The following BRSK2 variants were observed in gnomAD, a reference collection of about 807,000 sequenced individuals.
BRSK2 encodes the protein BR serine/threonine kinase 2, also known as serine/threonine-protein kinase BRSK2.
A neutral mutation model predicts 83.3 loss-of-function variants in BRSK2; 19 were observed. The observed-to-expected ratio is 0.23, with a 90% CI of 0.16 to 0.33. The LOEUF (loss-of-function observed/expected upper bound fraction) is 0.33, where lower values mean the gene tolerates loss of function less well. BRSK2 is among the 10% of genes least tolerant of loss of function. BRSK2 has a pLI of 1.00. For missense variants in BRSK2, 798 were observed against 1,042.3 expected (o/e 0.77, Z 3.23); for synonymous variants, 519 against 435.4 (o/e 1.19, Z -2.39).
intron 1 of BRSK2, among the ~76,000 whole-genome samples, chr11:1,419,051 G>A (rs1032364691): frequency 1.3e-5 from 2 of 152,230 alleles, no homozygotes; most frequent in Admixed American, 6.5e-5. Context: ...TTACAGGTGC[G>A]TGTCAGGCGT....
intron 1 of BRSK2, among the ~76,000 whole-genome samples, chr11:1,404,758 G>A (rs1334196677): frequency 6.6e-6 from 1 of 152,094 alleles, no homozygotes; most frequent in Admixed American, 6.5e-5. Flanking sequence ...CAAGCCGCCC[G>A]CTACCCACTG....
chr11:1,440,676 TG>T, intron 3 of BRSK2, 111 bp from the exon 4 acceptor site: 1 of 1,365,504 alleles, frequency 7.3e-7, no homozygotes, highest in East Asian at 2.6e-5. Flanking sequence ...AGCAAGAGGA[TG>T]GGGGCGGCCT....
intron 1 of BRSK2, among the ~76,000 whole-genome samples, chr11:1,422,848 G>A (rs1315903872): frequency 6.6e-6 from 1 of 152,176 alleles, no homozygotes; most frequent in African/African-American, 2.4e-5. Context: ...GATGAAGCTT[G>A]TGCTGGCCCC....
chr11:1,408,765 G>C (rs552579135), intron 1 of BRSK2, among the ~76,000 whole-genome samples: 1 of 74,628 alleles, frequency 1.3e-5, no homozygotes, highest in East Asian at 2.4e-4. Flanking sequence ...CTGTGCAGGG[G>C]TGTGTGTGTG....
intron 1 of BRSK2, among the ~76,000 whole-genome samples, chr11:1,433,290 T>G (rs561052739): frequency 1.1e-4 from 17 of 152,346 alleles, no homozygotes; most frequent in African/African-American, 4.1e-4. Flanking sequence ...CCGGTGCCCT[T>G]GGGGGCTTTG....
intron 3 of BRSK2, among the ~76,000 whole-genome samples, chr11:1,439,745 CCTGCCCTGAGGGCTTCACACCTTCCT>C (rs1564844402): frequency 1.5e-4 from 23 of 151,870 alleles, no homozygotes; most frequent in South Asian, 4.2e-4. Flanking sequence ...ACCACCTTCC[CCTGCCCTGAGGGCTTCACACCTTCCT>C]CTGCCCTGAG....
chr11:1,408,567 C>G (rs1456740251), intron 1 of BRSK2, among the ~76,000 whole-genome samples: 1 of 152,152 alleles, frequency 6.6e-6, no homozygotes, highest in Non-Finnish European at 1.5e-5. Flanking sequence ...GGGCCTGGAC[C>G]CTCAAGGACA....
At chr11:1,395,888 C>T (rs375924492) in intron 1 of BRSK2, among the ~76,000 whole-genome samples, 13 of 152,326 alleles carry the variant, frequency 8.5e-5, no homozygotes, top group East Asian at 5.8e-4. Flanking sequence ...ACCATCTGCC[C>T]GAGCAGGGAG....
At chr11:1,459,386 A>G (rs1847114625) in intron 19 of BRSK2, 147 bp downstream of exon 19, 5 of 876,212 alleles carry the variant, frequency 5.7e-6, no homozygotes, top group South Asian at 3.0e-5. Flanking sequence ...CCCCGGCCCC[A>G]TCCTCTACCA....
intron 9 of BRSK2, 55 bp from the exon 10 acceptor site, chr11:1,445,239 A>G (rs185324019): frequency 5.2e-6 from 8 of 1,550,686 alleles, no homozygotes; most frequent in Admixed American, 2.0e-5. Context: ...CCACCCTCGC[A>G]GCCGCCCAGG....
rs1366181392 is a variant in BRSK2, at chr11:1,438,437, C to A, written c.272+46C>A. 6.4e-7 allele frequency: 1 copy of A among 1,572,442 alleles called. No individual in the cohort carries two copies. Among genetic ancestry groups the A allele is most frequent in the Non-Finnish European group, 8.7e-7 (1 of 1,143,630 alleles). On this transcript the variant is annotated intron_variant, in intron 3 of 19. Coordinates refer to ENST00000528841, the MANE Select transcript of BRSK2 (RefSeq NM_001256627.2). The surrounding 1 kb of genome is among the most constrained non-coding windows in gnomAD (Gnocchi z 6.4). ...AGAGCTGGGGTGGCGGAGGTGGCAG[C>A]TGTCGCTGCAGGGGTGGGTGTCTGG...
intron 1 of BRSK2, among the ~76,000 whole-genome samples, chr11:1,403,430 C>T (rs1253239441): frequency 1.3e-5 from 2 of 152,220 alleles, no homozygotes; most frequent in East Asian, 1.9e-4. Context: ...GAGCTGAAGG[C>T]TGCTCTTGGG....
chr11:1,435,751 G>A (rs117478347), intron 1 of BRSK2, among the ~76,000 whole-genome samples: 1 of 151,448 alleles, frequency 6.6e-6, no homozygotes, highest in Non-Finnish European at 1.5e-5. Flanking sequence ...AAGGCTGAAG[G>A]GAGGGGATTT....
chr11:1,445,712 A>C, intron 11 of BRSK2, 44 bp downstream of exon 11: 1 of 1,611,062 alleles, frequency 6.2e-7, no homozygotes, highest in Non-Finnish European at 8.5e-7. Context: ...GCACTGCCCC[A>C]CCGGGGTCCG....
intron 8 of BRSK2, among the ~76,000 whole-genome samples, chr11:1,444,459 GC>G (rs1176011726): frequency 6.6e-6 from 1 of 152,110 alleles, no homozygotes; most frequent in Non-Finnish European, 1.5e-5. Flanking sequence ...CGTGTGGCTG[GC>G]CGGCCCTCCC....
intron 1 of BRSK2, chr11:1,411,141 G>T (rs1847446979): frequency 8.2e-7 from 1 of 1,219,128 alleles, no homozygotes; most frequent in African/African-American, 1.6e-5. Flanking sequence ...GGGGCCTAGG[G>T]TGGGGGCTCC....
chr11:1,439,620 C>T (rs916544158), intron 3 of BRSK2, among the ~76,000 whole-genome samples: 8 of 152,162 alleles, frequency 5.3e-5, no homozygotes, highest in South Asian at 2.1e-4. Flanking sequence ...GCCGGGCTCG[C>T]GGCTTCTCCC....
At chr11:1,455,314 CGCCTCCCCCACCGCCCCCAGCCT>C (rs1846362348) in intron 16 of BRSK2, among the ~76,000 whole-genome samples, 1 of 146,978 alleles carries the variant, frequency 6.8e-6, no homozygotes, top group Non-Finnish European at 1.5e-5. Flanking sequence ...GCCCCCCACC[CGCCTCCCCCACCGCCCCCAGCCT>C]GCCTCCCCAG....
chr11:1,403,043 C>CG (rs1846599770), intron 1 of BRSK2, among the ~76,000 whole-genome samples: 1 of 152,148 alleles, frequency 6.6e-6, no homozygotes, highest in South Asian at 2.1e-4. Context: ...CGGGACCCCC[C>CG]GGGGCCACCA....
Sources: allele counts gnomAD v4.1 joint callset (sites outside exome capture counted in the v4.1 genomes callset), GRCh38; gene constraint gnomAD v4.1.1; non-coding constraint Gnocchi (gnomAD v3.1); transcripts MANE v1.5; gene names NCBI Gene and HGNC (gene_info 2026-07-23, HGNC 2026-07-21).